TAFA4: variants seen among roughly 807,000 people sequenced by gnomAD.
TAFA4 encodes the protein chemokine-like protein TAFA-4.
A neutral mutation model predicts 21.1 loss-of-function variants in TAFA4; 20 were observed. The ratio of observed to expected loss-of-function variants is 0.95; its 90% confidence interval spans 0.67 to 1.38. TAFA4 has a LOEUF of 1.38. TAFA4 is among the 40% of genes most tolerant of loss of function. TAFA4 has a pLI of 0.00. For synonymous variants in TAFA4, 71 were observed against 67.4 expected, an observed-to-expected ratio of 1.05 and a Z score of -0.26; for missense variants, 211 against 180.9, an observed-to-expected ratio of 1.17 and a Z score of -0.95.
intron 1 of TAFA4, among the ~76,000 whole-genome samples, chr3:68,921,118 C>T (rs1258162931): frequency 6.6e-6 from 1 of 152,054 alleles, no homozygotes; most frequent in Non-Finnish European, 1.5e-5. Context: ...CTGATGGCTC[C>T]TAAGGAAGTA....
intron 3 of TAFA4, among the ~76,000 whole-genome samples, chr3:68,795,500 C>T (rs1318384945): frequency 1.3e-5 from 2 of 152,068 alleles, no homozygotes; most frequent in African/African-American, 4.8e-5. Context: ...TCAAGCTTAC[C>T]CAAGCAAGAC....
At chr3:68,814,114 C>T (rs575175946) in intron 3 of TAFA4, among the ~76,000 whole-genome samples, 2 of 152,256 alleles carry the variant, frequency 1.3e-5, no homozygotes, top group South Asian at 4.1e-4. Flanking sequence ...CAAAATTCAA[C>T]AACCCTTCAC....
At chr3:68,790,744 GA>G (rs1487803845) in intron 3 of TAFA4, among the ~76,000 whole-genome samples, 1 of 152,188 alleles carries the variant, frequency 6.6e-6, no homozygotes, top group African/African-American at 2.4e-5. Context: ...GCCAACTGGG[GA>G]GAACACAGGA....
intron 3 of TAFA4, among the ~76,000 whole-genome samples, chr3:68,846,077 G>T (rs1704784162): frequency 6.6e-6 from 1 of 152,114 alleles, no homozygotes; most frequent in South Asian, 2.1e-4. Flanking sequence ...CTAGGTTGGG[G>T]AAGTTCTCCT....
At chr3:68,738,771 G>A (rs184507267) in intron 5 of TAFA4, among the ~76,000 whole-genome samples, 1 of 152,270 alleles carries the variant, frequency 6.6e-6, no homozygotes, top group Non-Finnish European at 1.5e-5. Flanking sequence ...ATGGTGTTTT[G>A]ATACATTGGC....
At chr3:68,797,395 C>T (rs1220671577) in intron 3 of TAFA4, among the ~76,000 whole-genome samples, 6 of 151,950 alleles carry the variant, frequency 3.9e-5, no homozygotes, top group East Asian at 1.9e-4. Flanking sequence ...GGGTGGATCA[C>T]GAGGTCAGGA....
intron 1 of TAFA4, among the ~76,000 whole-genome samples, chr3:68,917,478 G>T (rs1252674779): frequency 6.6e-6 from 1 of 151,900 alleles, no homozygotes; most frequent in Admixed American, 6.6e-5. Flanking sequence ...GGAACGACCG[G>T]GCATGGTGGC....
At chr3:68,889,051 C>T (rs962226537) in intron 1 of TAFA4, among the ~76,000 whole-genome samples, 3 of 152,204 alleles carry the variant, frequency 2.0e-5, no homozygotes, top group African/African-American at 7.2e-5. Context: ...AACTATAACA[C>T]AGTCCTTTCT....
At position 68,897,916 on chromosome 3, in the gene TAFA4, A is replaced by G. The variant is rs374866451; in HGVS notation, c.-122-12606T>C. 7.9e-5 allele frequency among the ~76,000 whole-genome samples: 12 copies of G among 152,294 alleles called. No individual in the cohort carries two copies. The South Asian group carries it at 1.0e-3, about 13-fold the overall frequency. The stretch of plus-strand genomic sequence containing the variant: ...AAAAATGTTACCCAGACTGTACCTC[A>G]CAGGAAGTCACAGACAACAGATCAC... On this transcript the variant is annotated intron_variant, in intron 1 of 5. Coordinates refer to ENST00000295569, the MANE Select transcript of TAFA4 (RefSeq NM_182522.5).
intron 3 of TAFA4, among the ~76,000 whole-genome samples, chr3:68,763,113 G>T (rs1463939258): frequency 6.6e-6 from 1 of 152,160 alleles, no homozygotes; most frequent in African/African-American, 2.4e-5. Context: ...CTGAGAATTT[G>T]GCAGATTTAG....
At chr3:68,784,840 A>G (rs561598715) in intron 3 of TAFA4, among the ~76,000 whole-genome samples, 1 of 152,054 alleles carries the variant, frequency 6.6e-6, no homozygotes, top group South Asian at 2.1e-4. Context: ...GCTAGACACA[A>G]AGGTTCTCCA....
At chr3:68,782,732 G>A (rs1322325027) in intron 3 of TAFA4, among the ~76,000 whole-genome samples, 4 of 152,142 alleles carry the variant, frequency 2.6e-5, no homozygotes, top group Admixed American at 1.3e-4. Flanking sequence ...GATCGCCAGG[G>A]CTAAGGAGAG....
intron 3 of TAFA4, among the ~76,000 whole-genome samples, chr3:68,820,856 A>G (rs1379603524): frequency 6.6e-6 from 1 of 152,178 alleles, no homozygotes; most frequent in African/African-American, 2.4e-5. Context: ...AAAAATTATT[A>G]AAGTCTCATG....
At chr3:68,924,229 A>G (rs1388994329) in intron 1 of TAFA4, among the ~76,000 whole-genome samples, 1 of 152,240 alleles carries the variant, frequency 6.6e-6, no homozygotes, top group Non-Finnish European at 1.5e-5. Context: ...AAAGGTGGAA[A>G]AAAACAAATG....
chr3:68,732,871 G>C lies in TAFA4; in HGVS notation c.*271C>G. The C allele has an allele frequency of 2.1e-6, 1 of 476,636 alleles. No homozygotes were observed. 29.5% of individuals were successfully genotyped at this position (476,636 alleles called of 1,614,324 possible). A position where few individuals can be genotyped will look rare whatever the true frequency, so the allele number is the denominator to read the frequency against. ...TGATCCATTTTGAAGACTCTGATTT[G>C]CTCTTCTCGGATTTTGGAGGTATGC... On this transcript the variant is annotated 3_prime_UTR_variant, in exon 6 of 6. Coordinates refer to ENST00000295569, the MANE Select transcript of TAFA4 (RefSeq NM_182522.5).
rs527475229 is a variant in TAFA4 at position 68,831,125 on chromosome 3, G to C, written c.130+49605C>G. Among the ~76,000 whole-genome samples the C allele has an allele frequency of 2.4e-4, 37 of 152,254 alleles. 1 individual carries two copies. In the South Asian group the frequency reaches 7.0e-3, roughly 29 times the overall value. ...TCTCCTGAATACAGCACACCAATGA[G>C]TCTTGACTCTTTATCCAATTTGCCA... is the stretch of plus-strand genomic sequence containing the variant. On this transcript the variant is annotated intron_variant, in intron 3 of 5. Coordinates refer to ENST00000295569, the MANE Select transcript of TAFA4 (RefSeq NM_182522.5).
chr3:68,920,689 T>G (rs1322982609), intron 1 of TAFA4, among the ~76,000 whole-genome samples: 2 of 150,592 alleles, frequency 1.3e-5, no homozygotes, highest in Non-Finnish European at 3.0e-5. Context: ...CTGCAGGAGT[T>G]CTACAAAGTC....
chr3:68,920,479 T>C (rs931794353), intron 1 of TAFA4, among the ~76,000 whole-genome samples: 1 of 152,192 alleles, frequency 6.6e-6, no homozygotes, highest in Non-Finnish European at 1.5e-5. Flanking sequence ...CAGGTCTTCA[T>C]CAGTCCATTC....
chr3:68,850,191 A>G (rs995246057), intron 3 of TAFA4, among the ~76,000 whole-genome samples: 1 of 152,214 alleles, frequency 6.6e-6, no homozygotes, highest in Non-Finnish European at 1.5e-5. Context: ...AGGGGTAGGT[A>G]TCATACAACA....
Sources: allele counts gnomAD v4.1 joint callset (sites outside exome capture counted in the v4.1 genomes callset), GRCh38; gene constraint gnomAD v4.1.1; transcripts MANE v1.5; gene names NCBI Gene and HGNC (gene_info 2026-07-23, HGNC 2026-07-21).